DLG2: variants seen among roughly 807,000 people sequenced by gnomAD.
DLG2 encodes discs large MAGUK scaffold protein 2.
In DLG2, 45 loss-of-function variants were observed where a neutral mutation model predicts 132.5. The ratio of observed to expected loss-of-function variants is 0.34; its 90% CI spans 0.27 to 0.44. The LOEUF is 0.44. DLG2 is among the 20% of genes least tolerant of loss of function. The pLI is 1.00. For synonymous variants in DLG2, 424 were observed against 419.6 expected, an observed-to-expected ratio of 1.01 and a Z score of -0.13; for missense variants, 1,045 against 1,196.9, an observed-to-expected ratio of 0.87 and a Z score of 1.87.
chr11:84,073,531 C>T (rs753536908), intron 10 of DLG2, among the ~76,000 whole-genome samples: 36 of 152,080 alleles, frequency 2.4e-4, no homozygotes, highest in African/African-American at 5.3e-4. Flanking sequence ...CAGTTGCCAA[C>T]GAGAAAGATA....
At chr11:83,679,939 C>T (rs980990576) in intron 18 of DLG2, among the ~76,000 whole-genome samples, 1 of 152,104 alleles carries the variant, frequency 6.6e-6, no homozygotes, top group African/African-American at 2.4e-5. Flanking sequence ...TTGCCACCTT[C>T]CCTACCCTCT....
At chr11:84,735,531 C>G (rs2063719154) in intron 6 of DLG2, among the ~76,000 whole-genome samples, 1 of 151,848 alleles carries the variant, frequency 6.6e-6, no homozygotes, top group Admixed American at 6.6e-5. Flanking sequence ...TCTCTGTTTT[C>G]TTCGTTATTA....
chr11:84,411,283 A>C (rs934091367), intron 7 of DLG2, among the ~76,000 whole-genome samples: 34 of 152,254 alleles, frequency 2.2e-4, no homozygotes, highest in African/African-American at 7.5e-4. Flanking sequence ...TGTTCCTGAC[A>C]CAACAGCTCC....
chr11:84,183,825 G>T (rs141020921), intron 8 of DLG2, among the ~76,000 whole-genome samples: 19 of 152,112 alleles, frequency 1.2e-4, no homozygotes, highest in South Asian at 2.1e-4. Flanking sequence ...AACATGTGGT[G>T]CTTGGTTTTT....
intron 3 of DLG2, among the ~76,000 whole-genome samples, chr11:85,398,987 A>G (rs1291417535): frequency 6.6e-6 from 1 of 152,176 alleles, no homozygotes; most frequent in Non-Finnish European, 1.5e-5. Flanking sequence ...AGGAAGTCAA[A>G]TTGTCCCTGT....
intron 7 of DLG2, among the ~76,000 whole-genome samples, chr11:84,497,879 G>T (rs1002864243): frequency 6.6e-6 from 1 of 152,132 alleles, no homozygotes; most frequent in African/African-American, 2.4e-5. Context: ...CAAGGAAGGA[G>T]ACATTAAAAG....
intron 14 of DLG2, among the ~76,000 whole-genome samples, chr11:83,938,330 A>T (rs1471457952): frequency 2.6e-5 from 4 of 152,128 alleles, no homozygotes; most frequent in African/African-American, 9.7e-5. Context: ...GAGAGTAGCA[A>T]TTCTAGTGCA....
intron 11 of DLG2, among the ~76,000 whole-genome samples, chr11:83,989,708 C>T (rs1383648082): frequency 6.6e-6 from 1 of 152,098 alleles, no homozygotes; most frequent in Non-Finnish European, 1.5e-5. Context: ...AATAAAGTCC[C>T]ACTTTACTGA....
intron 7 of DLG2, among the ~76,000 whole-genome samples, chr11:84,478,133 C>T (rs570302155): frequency 1.1e-4 from 17 of 152,228 alleles, no homozygotes; most frequent in Non-Finnish European, 4.4e-5. Context: ...TAGATGCACA[C>T]TGTTAACAGT....
At chr11:84,955,796 C>A (rs897696965) in intron 6 of DLG2, 1 of 152,180 alleles carries the variant, frequency 6.6e-6, no homozygotes, top group East Asian at 1.9e-4. Flanking sequence ...ATAGAGATAA[C>A]AGATGCCAAA....
At chr11:85,259,773 C>T (rs2076848859) in intron 4 of DLG2, among the ~76,000 whole-genome samples, 1 of 151,914 alleles carries the variant, frequency 6.6e-6, no homozygotes, top group African/African-American at 2.4e-5. Context: ...TTATTTAATA[C>T]ATCCACATTA....
At position 83,945,753 on chromosome 11, in the gene DLG2, G is replaced by A. The variant is rs185751668; in HGVS notation, c.1341-15270C>T. ...CACATTATCACTAGTAGTCTCAGTG[G>A]TTTAGGGTCGTCCGCTATTTTAATG... On this transcript the variant is annotated intron_variant, in intron 14 of 27. Transcript: ENST00000376104. 7.4e-4 allele frequency among the ~76,000 whole-genome samples: 111 copies of A among 150,592 alleles called. 3 individuals are homozygous for A. Among genetic ancestry groups the A allele is most frequent in the African/African-American group, 2.5e-3 (103 of 41,088 alleles).
chr11:85,287,331 G>A (rs2078622173), intron 3 of DLG2, among the ~76,000 whole-genome samples: 1 of 151,856 alleles, frequency 6.6e-6, no homozygotes, highest in Non-Finnish European at 1.5e-5. Flanking sequence ...AAAAAGACAA[G>A]CAAACTAAAA....
At chr11:84,943,664 T>A (rs1470038415) in intron 6 of DLG2, among the ~76,000 whole-genome samples, 1 of 152,202 alleles carries the variant, frequency 6.6e-6, no homozygotes, top group Non-Finnish European at 1.5e-5. Flanking sequence ...TAACTTTTTA[T>A]TGTTTCTATT....
intron 7 of DLG2, among the ~76,000 whole-genome samples, chr11:84,296,097 C>T (rs999521717): frequency 8.5e-5 from 13 of 152,114 alleles, no homozygotes; most frequent in African/African-American, 2.7e-4. Flanking sequence ...AATATCTGTT[C>T]CCAGTGGCTG....
At chr11:84,850,032 G>T (rs2081990438) in intron 6 of DLG2, among the ~76,000 whole-genome samples, 1 of 151,752 alleles carries the variant, frequency 6.6e-6, no homozygotes. Flanking sequence ...ATTCAATTTT[G>T]CCTTACTTTG....
At chr11:85,132,826 T>A in intron 5 of DLG2, 1 of 456,688 alleles carries the variant, frequency 2.2e-6, no homozygotes, top group South Asian at 1.5e-5. Flanking sequence ...ACTCAGTACA[T>A]GGAAATCACA....
At chr11:85,613,249 T>C (rs575480849) in intron 2 of DLG2, among the ~76,000 whole-genome samples, 7 of 152,276 alleles carry the variant, frequency 4.6e-5, no homozygotes, top group Non-Finnish European at 8.8e-5. Context: ...AAGCTACCGA[T>C]GGTCTTACAA....
chr11:85,324,641 GA>G (rs950414428), intron 3 of DLG2, among the ~76,000 whole-genome samples: 1 of 152,128 alleles, frequency 6.6e-6, no homozygotes, highest in South Asian at 2.1e-4. Context: ...GCTGCCTACA[GA>G]AAAAAGCTAC....
Sources: allele counts gnomAD v4.1 joint callset (sites outside exome capture counted in the v4.1 genomes callset), GRCh38; gene constraint gnomAD v4.1.1; transcripts MANE v1.5; gene names NCBI Gene and HGNC (gene_info 2026-07-23, HGNC 2026-07-21).